The following TRIP12 variants were observed in gnomAD, a reference collection of about 807,000 sequenced individuals.
TRIP12 encodes thyroid hormone receptor interactor 12.
In TRIP12, 25 loss-of-function variants were observed where a neutral mutation model predicts 244.2. The ratio of observed to expected loss-of-function variants is 0.10; its 90% CI spans 0.07 to 0.14. TRIP12 has a LOEUF of 0.14. Ranked by LOEUF, TRIP12 falls within the 10% of genes least tolerant of loss-of-function variation. TRIP12 has a pLI of 1.00. For synonymous variants in TRIP12, 905 were observed against 873.1 expected (o/e 1.04, Z -0.64); for missense variants, 1,677 against 2,486.4 (o/e 0.67, Z 6.92).
intron 37 of TRIP12, among the ~76,000 whole-genome samples, 164 bp downstream of exon 37, chr2:229,777,151 G>A (rs991284187): frequency 4.6e-5 from 7 of 152,112 alleles, no homozygotes; most frequent in Non-Finnish European, 8.8e-5. Context: ...TAGGTCATGT[G>A]ACCCACTGTG....
intron 8 of TRIP12, among the ~76,000 whole-genome samples, chr2:229,822,782 CA>C (rs2050416003): frequency 6.6e-6 from 1 of 151,970 alleles, no homozygotes; most frequent in African/African-American, 2.4e-5. Context: ...AATGAAAAGA[CA>C]AATGTTTTAT....
At chr2:229,781,421 A>C (rs2038128079) in intron 34 of TRIP12, among the ~76,000 whole-genome samples, 1 of 152,200 alleles carries the variant, frequency 6.6e-6, no homozygotes, top group African/African-American at 2.4e-5. Context: ...TCATTTTATC[A>C]TTCTAACAAC....
At chr2:229,817,247 C>CA (rs1474880783) in intron 9 of TRIP12, among the ~76,000 whole-genome samples, 1 of 152,022 alleles carries the variant, frequency 6.6e-6, no homozygotes, top group African/African-American at 2.4e-5. Context: ...ACTGGATATA[C>CA]AAAAAAGATT....
At chr2:229,792,270 GT>G in intron 27 of TRIP12, 44 bp from the exon 28 acceptor site, 1 of 1,532,868 alleles carries the variant, frequency 6.5e-7, no homozygotes, top group Admixed American at 1.9e-5. Flanking sequence ...GATTTTAGGT[GT>G]AAAAAAAAAA....
At chr2:229,799,252 T>C in intron 22 of TRIP12, 31 bp downstream of exon 22, 6 of 1,608,914 alleles carry the variant, frequency 3.7e-6, no homozygotes, top group Non-Finnish European at 5.1e-6. Context: ...CCCTCCCCTT[T>C]ACCTCCCCAT....
chr2:229,834,577 T>C (rs543748441), intron 6 of TRIP12, among the ~76,000 whole-genome samples: 38 of 152,230 alleles, frequency 2.5e-4, no homozygotes, highest in Non-Finnish European at 4.9e-4. Context: ...CCGGCCAACA[T>C]GGTGAAACCC....
intron 4 of TRIP12, among the ~76,000 whole-genome samples, chr2:229,854,535 G>C (rs1047128420): frequency 6.6e-6 from 1 of 152,080 alleles, no homozygotes; most frequent in Admixed American, 6.6e-5. Context: ...CCATTTTACG[G>C]AGAACAAGTT....
chr2:229,799,194 A>G, intron 22 of TRIP12, 89 bp downstream of exon 22: 1 of 1,529,968 alleles, frequency 6.5e-7, no homozygotes, highest in Non-Finnish European at 9.0e-7. Flanking sequence ...GGCATACTTC[A>G]AGAGCTACTG....
intron 1 of TRIP12, among the ~76,000 whole-genome samples, chr2:229,907,174 A>G (rs2073091049): frequency 6.6e-6 from 1 of 152,242 alleles, no homozygotes; most frequent in South Asian, 2.1e-4. Flanking sequence ...AAAATAAGGC[A>G]CCATTTAGGA....
At chr2:229,904,197 C>T (rs1319746313) in intron 1 of TRIP12, among the ~76,000 whole-genome samples, 2 of 151,990 alleles carry the variant, frequency 1.3e-5, no homozygotes, top group Non-Finnish European at 2.9e-5. Flanking sequence ...GAGGATGGAT[C>T]ACCTGAGGTC....
intron 36 of TRIP12, among the ~76,000 whole-genome samples, chr2:229,777,783 C>T (rs1272187748): frequency 1.3e-5 from 2 of 152,128 alleles, no homozygotes; most frequent in African/African-American, 4.8e-5. Context: ...TGATAAACTG[C>T]CCACTCTTCA....
chr2:229,830,711 T>C (rs560417670), intron 7 of TRIP12, 45 bp downstream of exon 7: 4 of 1,505,386 alleles, frequency 2.7e-6, no homozygotes, highest in South Asian at 2.3e-5. Context: ...TATTAACAGG[T>C]AGCTCATGGT....
At chr2:229,827,059 T>A (rs1201936772) in intron 8 of TRIP12, among the ~76,000 whole-genome samples, 1 of 152,094 alleles carries the variant, frequency 6.6e-6, no homozygotes, top group Middle Eastern at 3.2e-3. Flanking sequence ...GGCAGGCAGA[T>A]CACAAGGTCA....
At chr2:229,835,698 A>C (rs1473379320) in intron 6 of TRIP12, among the ~76,000 whole-genome samples, 1 of 152,218 alleles carries the variant, frequency 6.6e-6, no homozygotes, top group African/African-American at 2.4e-5. Flanking sequence ...AGTTATAATA[A>C]TTACTGTAGT....
Position 229,793,572 on chromosome 2 carries a change from C to A in TRIP12, c.3969-427G>T, listed in dbSNP as rs533919234. The stretch of plus-strand genomic sequence containing the variant: ...CTCTTTATTTCAAAGATTTCAGCTA[C>A]AATATTACATTAAAAACTAACCTTT... On this transcript the variant is annotated intron_variant, in intron 26 of 41. Transcript: ENST00000675903. Among the ~76,000 whole-genome samples, 24 of 152,128 alleles carry A rather than the reference C, an allele frequency of 1.6e-4. 1 individual carries two copies. The East Asian group carries it at 4.6e-3, about 29-fold the overall frequency.
intron 8 of TRIP12, among the ~76,000 whole-genome samples, chr2:229,826,001 A>T (rs1288013996): frequency 1.3e-5 from 2 of 152,186 alleles, no homozygotes; most frequent in Admixed American, 1.3e-4. Context: ...AAAAAGCAAA[A>T]CAAAAATATA....
chr2:229,894,335 A>C (rs1451306908), intron 1 of TRIP12: 1 of 152,202 alleles, frequency 6.6e-6, no homozygotes, highest in Non-Finnish European at 1.5e-5. Context: ...TTTTTAAAAA[A>C]AGTCTTTATC....
chr2:229,904,569 T>TAGAA (rs879558601), intron 1 of TRIP12, among the ~76,000 whole-genome samples: 8 of 152,146 alleles, frequency 5.3e-5, no homozygotes, highest in Admixed American at 3.9e-4. Context: ...CAATATGATC[T>TAGAA]GCTATTATTA....
At chr2:229,864,004 A>AGAGAGAGAGAGAG (rs1559954221) in intron 2 of TRIP12, among the ~76,000 whole-genome samples, 2 of 81,342 alleles carry the variant, frequency 2.5e-5, no homozygotes, top group Non-Finnish European at 5.4e-5. Context: ...ATTTGGGTGA[A>AGAGAGAGAGAGAG]AGAGAGAGAG....
Sources: gnomAD v4.1 joint callset for allele counts (sites outside exome capture counted in the v4.1 genomes callset) on GRCh38, gnomAD v4.1.1 for gene constraint, MANE v1.5 for transcripts, NCBI Gene and HGNC (gene_info 2026-07-23, HGNC 2026-07-21) for gene names.